GPHN: variants seen among roughly 807,000 people sequenced by gnomAD.
GPHN encodes the protein gephyrin.
A neutral mutation model predicts 95.5 loss-of-function variants in GPHN; 17 were observed. That is an observed-to-expected ratio of 0.18 (90% CI 0.12 to 0.27). The LOEUF is 0.27. Ranked by LOEUF, GPHN falls within the 10% of genes least tolerant of loss-of-function variation. GPHN has a pLI of 1.00. For missense variants in GPHN, 660 were observed against 978.1 expected (o/e 0.67, Z 4.34); for synonymous variants, 320 against 322.5 (o/e 0.99, Z 0.08).
the GPHN span, among the ~76,000 whole-genome samples, chr14:67,284,874 C>T: frequency 6.6e-6 from 1 of 152,026 alleles, no homozygotes; most frequent in African/African-American, 2.4e-5. Flanking sequence ...AAATATACCA[C>T]ATCTTGTTTT....
intron 1 of GPHN, among the ~76,000 whole-genome samples, chr14:66,545,591 G>A (rs1181601810): frequency 2.8e-5 from 3 of 106,604 alleles, no homozygotes; most frequent in African/African-American, 4.6e-5. Context: ...CGGACGGGGC[G>A]GCTGGCCGGG....
intron 1 of GPHN, among the ~76,000 whole-genome samples, chr14:66,664,989 CAAAAAAA>C (rs937401198): frequency 1.6e-4 from 9 of 54,906 alleles, no homozygotes; most frequent in Middle Eastern, 0.013. Context: ...GCCTACCAAC[CAAAAAAA>C]AAAAAAAAAA....
rs76559817 is a variant in GPHN, at chr14:66,820,257, A to T, written c.202-4217A>T. On this transcript the variant is annotated intron_variant, in intron 3 of 22. Transcript: ENST00000478722. The stretch of plus-strand genomic sequence containing the variant: ...ATATCCAGTCCTCAAACTAGTGCTT[A>T]TTTCAAACTTGTTGCAGAGATGTAG... 3.1e-3 allele frequency among the ~76,000 whole-genome samples: 469 copies of T among 152,244 alleles called. 11 individuals carry two copies. Among genetic ancestry groups the T allele is most frequent in the African/African-American group, 0.011 (444 of 41,548 alleles).
chr14:67,294,804 C>G, the GPHN span: 6 of 152,200 alleles, frequency 3.9e-5, no homozygotes, highest in Non-Finnish European at 5.9e-5. Flanking sequence ...TTCGGAGTAG[C>G]TGGGGCTACA....
chr14:67,672,656 T>C, the GPHN span, among the ~76,000 whole-genome samples: 1 of 151,582 alleles, frequency 6.6e-6, no homozygotes, highest in Non-Finnish European at 1.5e-5. Flanking sequence ...TTGGCCAGGC[T>C]GGTCTTGAAC....
At chr14:66,862,138 CA>C (rs1351490204) in intron 4 of GPHN, among the ~76,000 whole-genome samples, 2 of 151,692 alleles carry the variant, frequency 1.3e-5, no homozygotes, top group African/African-American at 4.8e-5. Context: ...TAAACAAAAT[CA>C]AAAATGGAAA....
At chr14:66,718,270 G>A (rs2070382317) in intron 2 of GPHN, among the ~76,000 whole-genome samples, 1 of 152,098 alleles carries the variant, frequency 6.6e-6, no homozygotes, top group African/African-American at 2.4e-5. Flanking sequence ...TCTTCCTTCT[G>A]GTGGGTCTCG....
intron 16 of GPHN, among the ~76,000 whole-genome samples, chr14:67,117,404 A>T (rs569059238): frequency 6.6e-6 from 1 of 152,348 alleles, no homozygotes; most frequent in African/African-American, 2.4e-5. Context: ...TGTGAAAGAG[A>T]AAACAGAAGC....
the GPHN span, among the ~76,000 whole-genome samples, chr14:67,325,813 C>CT: frequency 0.16 from 22,285 of 142,860 alleles, 3,187 homozygotes; most frequent in East Asian, 0.42. Flanking sequence ...TGTTAAGCAT[C>CT]TTTTTTTTTT....
the GPHN span, among the ~76,000 whole-genome samples, chr14:67,383,080 CAG>C: frequency 6.6e-6 from 1 of 152,050 alleles, no homozygotes; most frequent in African/African-American, 2.4e-5. Context: ...ATAAAAATGA[CAG>C]AAAATAATTT....
At chr14:67,419,767 T>A in the GPHN span, among the ~76,000 whole-genome samples, 44 of 150,944 alleles carry the variant, frequency 2.9e-4, no homozygotes, top group Middle Eastern at 6.4e-3. Context: ...GAGAATGGCG[T>A]GAACCTGGGA....
chr14:66,915,118 A>G (rs2065842931), intron 5 of GPHN, among the ~76,000 whole-genome samples: 2 of 152,278 alleles, frequency 1.3e-5, no homozygotes, highest in Admixed American at 1.3e-4. Context: ...GGACAAGAAG[A>G]AAAAGTAATA....
chr14:66,928,226 G>C (rs1252909750), intron 8 of GPHN, among the ~76,000 whole-genome samples: 1 of 152,058 alleles, frequency 6.6e-6, no homozygotes, highest in Non-Finnish European at 1.5e-5. Flanking sequence ...CTGTATTCAG[G>C]TTTTGGATTT....
At chr14:66,938,978 A>G (rs1027647273) in intron 8 of GPHN, among the ~76,000 whole-genome samples, 1 of 152,194 alleles carries the variant, frequency 6.6e-6, no homozygotes, top group African/African-American at 2.4e-5. Flanking sequence ...TCCTGGGAAA[A>G]CTGGATATTC....
intron 9 of GPHN, among the ~76,000 whole-genome samples, chr14:66,990,187 C>G (rs1455409079): frequency 6.6e-6 from 1 of 152,034 alleles, no homozygotes; most frequent in African/African-American, 2.4e-5. Flanking sequence ...CTAGTGAGAA[C>G]TCCCTCACTA....
chr14:67,458,060 C>T, the GPHN span, among the ~76,000 whole-genome samples: 2 of 152,216 alleles, frequency 1.3e-5, no homozygotes, highest in Non-Finnish European at 2.9e-5. Flanking sequence ...GAAGGTGGAG[C>T]TGGCCAATCC....
intron 17 of GPHN, among the ~76,000 whole-genome samples, chr14:67,126,970 A>G (rs924717172): frequency 2.0e-5 from 3 of 152,024 alleles, no homozygotes; most frequent in African/African-American, 7.3e-5. Flanking sequence ...ATTGGAAATG[A>G]TCATTCTCAG....
At chr14:66,803,890 A>G (rs1343399808) in intron 3 of GPHN, among the ~76,000 whole-genome samples, 1 of 151,686 alleles carries the variant, frequency 6.6e-6, no homozygotes, top group Admixed American at 6.6e-5. Context: ...TGCTGTGGTG[A>G]TATTCTGTAC....
chr14:66,520,233 G>T (rs1448597817), intron 1 of GPHN, among the ~76,000 whole-genome samples: 1 of 152,124 alleles, frequency 6.6e-6, no homozygotes, highest in Non-Finnish European at 1.5e-5. Context: ...ATTACTATCT[G>T]TAGAATTTTG....
Sources: gnomAD v4.1 joint callset for allele counts (sites outside exome capture counted in the v4.1 genomes callset) on GRCh38, gnomAD v4.1.1 for gene constraint, MANE v1.5 for transcripts, NCBI Gene and HGNC (gene_info 2026-07-23, HGNC 2026-07-21) for gene names.